SNCAIP: variants seen among roughly 807,000 people sequenced by gnomAD.
SNCAIP encodes synuclein alpha interacting protein.
In SNCAIP, 43 loss-of-function variants were observed where a neutral mutation model predicts 86.7. The ratio of observed to expected loss-of-function variants is 0.50; its 90% CI spans 0.39 to 0.64. The LOEUF (loss-of-function observed/expected upper bound fraction) is 0.64, where lower values mean the gene tolerates loss of function less well. SNCAIP is among the 30% of genes least tolerant of loss of function. SNCAIP has a pLI of 0.00. For synonymous variants in SNCAIP, 417 were observed against 427.2 expected, an observed-to-expected ratio of 0.98 and a Z score of 0.29; for missense variants, 981 against 1,103.1, an observed-to-expected ratio of 0.89 and a Z score of 1.57.
chr5:122,321,482 G>C (rs972927206), intron 1 of SNCAIP: 3 of 152,152 alleles, frequency 2.0e-5, no homozygotes, highest in Non-Finnish European at 4.4e-5. Flanking sequence ...CTTTATTGCT[G>C]CTCCAATAGA....
At chr5:122,446,553 C>T (rs1030397574) in intron 8 of SNCAIP, among the ~76,000 whole-genome samples, 5 of 152,200 alleles carry the variant, frequency 3.3e-5, no homozygotes, top group African/African-American at 9.6e-5. Flanking sequence ...GACTGCAGTC[C>T]TTCAGTTGTC....
At chr5:122,452,589 A>G (rs558877629) in intron 10 of SNCAIP, among the ~76,000 whole-genome samples, 1 of 152,364 alleles carries the variant, frequency 6.6e-6, no homozygotes, top group South Asian at 2.1e-4. Context: ...TAAATTAAAT[A>G]TCAAATTCCT....
intron 10 of SNCAIP, among the ~76,000 whole-genome samples, chr5:122,452,387 TG>T (rs1389646607): frequency 6.6e-6 from 1 of 152,238 alleles, no homozygotes; most frequent in Non-Finnish European, 1.5e-5. Context: ...CTCTGTGGAA[TG>T]GAATGACCTA....
At chr5:122,348,259 A>C (rs1369860107) in intron 1 of SNCAIP, among the ~76,000 whole-genome samples, 1 of 152,122 alleles carries the variant, frequency 6.6e-6, no homozygotes, top group African/African-American at 2.4e-5. Flanking sequence ...CTTTTTTATT[A>C]AGATATCTTA....
At chr5:122,315,240 G>A (rs1451875372) in intron 1 of SNCAIP, among the ~76,000 whole-genome samples, 5 of 152,176 alleles carry the variant, frequency 3.3e-5, no homozygotes, top group African/African-American at 1.2e-4. Context: ...AATTGTGAAT[G>A]GCTTTACTTA....
rs564956231 is a variant in SNCAIP at position 122,403,944 on chromosome 5, G to T, written c.130+79G>T. On this transcript the variant is annotated intron_variant, in intron 3 of 10. Coordinates refer to ENST00000261368, the MANE Select transcript of SNCAIP (RefSeq NM_005460.4). ...CTGGAAAGCTGTTTTTCCTCACACT[G>T]GTCCCCCCTGCTTTCAGTTTTCTTT... is the stretch of plus-strand genomic sequence containing the variant. 840 of 1,023,912 alleles carry T rather than the reference G, an allele frequency of 8.2e-4. 1 individual carries two copies. The highest frequency in any genetic ancestry group is 1.2e-3 in the Non-Finnish European group (770 of 645,068). The allele number at this position is 1,023,912 out of a possible 1,614,324, so 63.4% of individuals were successfully genotyped here. A position where few individuals can be genotyped will look rare whatever the true frequency, so the allele number is the denominator to read the frequency against.
At chr5:122,322,265 G>A (rs1753093752) in intron 1 of SNCAIP, among the ~76,000 whole-genome samples, 2 of 152,178 alleles carry the variant, frequency 1.3e-5, no homozygotes, top group African/African-American at 4.8e-5. Context: ...GTGCATGTTA[G>A]CTTATCTACT....
chr5:122,317,111 G>A lies in SNCAIP; in HGVS notation c.-47+4827G>A, dbSNP rs374427393. Among the ~76,000 whole-genome samples the A allele has an allele frequency of 6.6e-5, 10 of 152,100 alleles. No individual in the cohort carries two copies. The East Asian group carries it at 1.9e-3, about 29-fold the overall frequency. ...TTATAAGTGTAGAGTTTGCTATAAA[G>A]TCCCTAAGTGCCTTTTGTAGACTTA... is the stretch of plus-strand genomic sequence containing the variant. On this transcript the variant is annotated intron_variant, in intron 1 of 10. Coordinates refer to ENST00000261368, the MANE Select transcript of SNCAIP (RefSeq NM_005460.4).
chr5:122,313,287 A>C (rs1325517078), intron 1 of SNCAIP, among the ~76,000 whole-genome samples: 1 of 152,208 alleles, frequency 6.6e-6, no homozygotes, highest in Non-Finnish European at 1.5e-5. Context: ...ACAAGTGCCC[A>C]TCAAAGAGCC....
At chr5:122,406,123 T>C (rs1054165545) in intron 3 of SNCAIP, among the ~76,000 whole-genome samples, 1 of 152,188 alleles carries the variant, frequency 6.6e-6, no homozygotes, top group African/African-American at 2.4e-5. Flanking sequence ...GAAAAATGTG[T>C]CTGCCCACAG....
At chr5:122,377,494 CAG>C (rs3031391) in intron 1 of SNCAIP, among the ~76,000 whole-genome samples, 24,348 of 148,734 alleles carry the variant, frequency 0.16, 2,097 homozygotes, top group South Asian at 0.24. Flanking sequence ...GGGAGACAGA[CAG>C]AGAGAGAGAG....
chr5:122,458,162 A>AAATC (rs1785238601), intron 10 of SNCAIP, among the ~76,000 whole-genome samples: 1 of 152,232 alleles, frequency 6.6e-6, no homozygotes, highest in African/African-American at 2.4e-5. Context: ...GTACTCTCTT[A>AAATC]AATCACTATT....
chr5:122,322,787 G>A (rs992194394), intron 1 of SNCAIP, among the ~76,000 whole-genome samples: 3 of 152,114 alleles, frequency 2.0e-5, no homozygotes, highest in African/African-American at 7.2e-5. Flanking sequence ...CTAAACATTA[G>A]CCATGTTTAA....
At chr5:122,327,046 G>A (rs1180460076) in intron 1 of SNCAIP, among the ~76,000 whole-genome samples, 2 of 151,410 alleles carry the variant, frequency 1.3e-5, no homozygotes, top group African/African-American at 2.4e-5. Flanking sequence ...TGATCCAAGT[G>A]AAATCTCCTT....
chr5:122,438,857 A>C (rs1022486380), intron 6 of SNCAIP, among the ~76,000 whole-genome samples: 1 of 152,294 alleles, frequency 6.6e-6, no homozygotes, highest in Non-Finnish European at 1.5e-5. Context: ...AATCACCACA[A>C]GTTTGAGAAT....
At chr5:122,358,192 T>C (rs1052006897) in intron 1 of SNCAIP, among the ~76,000 whole-genome samples, 18 of 140,348 alleles carry the variant, frequency 1.3e-4, no homozygotes, top group African/African-American at 4.9e-4. Flanking sequence ...TGTGTGTGTG[T>C]GTGTGTGTGT....
chr5:122,436,363 C>T (rs1039830796), intron 6 of SNCAIP: 1 of 152,004 alleles, frequency 6.6e-6, no homozygotes, highest in African/African-American at 2.4e-5. Flanking sequence ...AGATGAATGT[C>T]GGCTGTTATC....
chr5:122,337,273 AATG>A (rs1164622403), intron 1 of SNCAIP, among the ~76,000 whole-genome samples: 2 of 152,192 alleles, frequency 1.3e-5, no homozygotes, highest in Non-Finnish European at 2.9e-5. Context: ...AGTAGAAAGA[AATG>A]ATTTGAGTGG....
intron 3 of SNCAIP, among the ~76,000 whole-genome samples, chr5:122,410,689 G>A (rs768719400): frequency 6.6e-6 from 1 of 152,120 alleles, no homozygotes; most frequent in African/African-American, 2.4e-5. Flanking sequence ...TGGTGGTAGT[G>A]GCACACCTCT....
Sources: gnomAD v4.1 joint callset for allele counts (sites outside exome capture counted in the v4.1 genomes callset) on GRCh38, gnomAD v4.1.1 for gene constraint, MANE v1.5 for transcripts, NCBI Gene and HGNC (gene_info 2026-07-23, HGNC 2026-07-21) for gene names.